Variants in FAM72C observed in about 807,000 individuals in gnomAD.
FAM72C encodes protein FAM72C.
A neutral mutation model predicts 5.2 loss-of-function variants in FAM72C; 1 was observed. The ratio of observed to expected loss-of-function variants is 0.19; its 90% CI spans 0.07 to 0.91. The LOEUF (loss-of-function observed/expected upper bound fraction) is 0.91. FAM72C is among the 40% of genes least tolerant of loss of function. The probability of loss-of-function intolerance (pLI) is 0.66; values close to 1 mark genes in which losing one functional copy is unlikely to be tolerated. For synonymous variants in FAM72C, 1 was observed against 21.8 expected, an observed-to-expected ratio of 0.05 and a Z score of 2.66; for missense variants, 4 against 66.0, an observed-to-expected ratio of 0.06 and a Z score of 3.25.
At chr1:143,965,288 C>G (rs1371232066) in intron 2 of FAM72C, among the ~76,000 whole-genome samples, 7 of 97,762 alleles carry the variant, frequency 7.2e-5, no homozygotes, top group African/African-American at 2.8e-4. Flanking sequence ...CTCCGCCTCC[C>G]AGGTTCAAGT....
At chr1:143,960,721 C>CAA (rs587594127) in intron 3 of FAM72C, among the ~76,000 whole-genome samples, 627 of 51,004 alleles carry the variant, frequency 0.012, 12 homozygotes, top group African/African-American at 0.036. Flanking sequence ...AACTCTGTCT[C>CAA]AAAAAAAAAA....
At chr1:143,962,279 G>T (rs1443928936) in intron 3 of FAM72C, among the ~76,000 whole-genome samples, 1 of 143,478 alleles carries the variant, frequency 7.0e-6, no homozygotes, top group African/African-American at 2.6e-5. Context: ...CTCCCAAACT[G>T]CTGGGATTAC....
rs1300583994 is a variant in FAM72C at position 143,967,489 on chromosome 1, A to G, written c.230+1435T>C. 7.0e-5 allele frequency among the ~76,000 whole-genome samples: 10 copies of G among 143,480 alleles called. 2 individuals carry two copies. Among genetic ancestry groups the G allele is most frequent in the East Asian group, 4.1e-4 (2 of 4,902 alleles). 94.1% of individuals were successfully genotyped at this position (143,480 alleles called of 152,430 possible). A position where few individuals can be genotyped will look rare whatever the true frequency, so the allele number is the denominator to read the frequency against. On this transcript the variant is annotated intron_variant, in intron 2 of 3. Transcript: ENST00000584486. ...CAAAACTCCGTCTTAAAAAAAAAAA[A>G]AAAAGAAAAGAAAGAAGAAAATAAT...
chr1:143,965,848 T>A (rs1661758465), intron 2 of FAM72C, among the ~76,000 whole-genome samples: 1 of 116,254 alleles, frequency 8.6e-6, no homozygotes, highest in African/African-American at 3.1e-5. Context: ...GTTGCAAAAG[T>A]TTTTACAGTT....
rs1287799982 is a variant in FAM72C, at chr1:143,966,722, T to C, written c.231-1743A>G. Among the ~76,000 whole-genome samples, 46 of 145,402 alleles carry C rather than the reference T, an allele frequency of 3.2e-4. 1 individual carries two copies. Among genetic ancestry groups the C allele is most frequent in the Non-Finnish European group, 6.8e-4 (45 of 65,720 alleles). Reference sequence around the variant, plus strand: ...ATGATTAAAATTAACTTTCCTGTTTTGGTTTTCTTTTGAAAATGTTGTTCT... The same window carrying C: ...ATGATTAAAATTAACTTTCCTGTTTCGGTTTTCTTTTGAAAATGTTGTTCT... On this transcript the variant is annotated intron_variant, in intron 2 of 3. Coordinates refer to ENST00000584486, the MANE Select transcript of FAM72C (RefSeq NM_001287385.2).
In FAM72C at chr1:143,971,100, G is replaced by A; in HGVS notation, c.42C>T (p.Ser14=). The A allele has an allele frequency of 1.6e-6, 1 of 613,966 alleles. No individual in the cohort carries two copies. Among genetic ancestry groups the A allele is most frequent in the East Asian group, 3.2e-5 (1 of 31,044 alleles). The allele number at this position is 613,966 out of a possible 1,614,324, so 38.0% of individuals were successfully genotyped here. A position where few individuals can be genotyped will look rare whatever the true frequency, so the allele number is the denominator to read the frequency against. The change falls in exon 1 of 4, where the codon TCC becomes TCT. Residue 14 remains serine, a synonymous_variant. Transcript: ENST00000584486. ...NICSFKDRCV[S]ILCCKFCKQV... is the part of the protein sequence containing the mutation. ...GTTTACAGAATTTGCAACACAGGAT[G>A]GACACGCACCTGTCCTTGAAACTAC...
rs1235507352 is a variant in FAM72C, at chr1:143,966,959, C to T, written c.230+1965G>A. 2.1e-5 allele frequency among the ~76,000 whole-genome samples: 3 copies of T among 143,966 alleles called. 1 individual carries two copies. The highest frequency in any genetic ancestry group is 4.6e-5 in the Non-Finnish European group (3 of 65,310). 94.4% of individuals were successfully genotyped at this position (143,966 alleles called of 152,430 possible). The stretch of plus-strand genomic sequence containing the variant: ...GAGAGAATCACTTGAACCCAGAAGA[C>T]GGAGGTTGCAGTGAGCCAAGATCAT... On this transcript the variant is annotated intron_variant, in intron 2 of 3. Transcript: ENST00000584486.
chr1:143,965,907 T>G lies in FAM72C; in HGVS notation c.231-928A>C, dbSNP rs1661760101. The stretch of plus-strand genomic sequence containing the variant: ...AAGTACCTCAGTCTTTCACAATTTT[T>G]TTTTTTTTTTTTTAACTAGCTAGTC... On this transcript the variant is annotated intron_variant, in intron 2 of 3. Transcript: ENST00000584486. Among the ~76,000 whole-genome samples the G allele has an allele frequency of 2.2e-5, 3 of 133,866 alleles. 1 individual carries two copies. Among genetic ancestry groups the G allele is most frequent in the South Asian group, 5.1e-4 (2 of 3,902 alleles). The allele number at this position is 133,866 out of a possible 152,430, so 87.8% of individuals were successfully genotyped here.
chr1:143,963,481 C>G, intron 3 of FAM72C, among the ~76,000 whole-genome samples: 1 of 142,784 alleles, frequency 7.0e-6, no homozygotes, highest in East Asian at 2.1e-4. Flanking sequence ...GAAATGAAAA[C>G]AAAGGATTTA....
chr1:143,972,850 AGGAGAGGGCGC>A (rs1178956161), upstream of FAM72C, among the ~76,000 whole-genome samples: 1 of 86,866 alleles, frequency 1.2e-5, no homozygotes, highest in Non-Finnish European at 2.5e-5. Flanking sequence ...TGGGGCGGGA[AGGAGAGGGCGC>A]GGATGCTGCT....
intron 2 of FAM72C, among the ~76,000 whole-genome samples, chr1:143,967,490 A>G (rs1233146811): frequency 4.9e-5 from 7 of 143,320 alleles, no homozygotes; most frequent in African/African-American, 1.3e-4. Flanking sequence ...AAAAAAAAAA[A>G]AAAGAAAAGA....
chr1:143,955,323 A>G lies in FAM72C; in HGVS notation c.*1064T>C, dbSNP rs1464238650. ...AAGTACCATTTATTTATATTTTTAC[A>G]TACAATATGTGGGCATAACAAAAAA... On this transcript the variant is annotated 3_prime_UTR_variant, in exon 4 of 4. Coordinates refer to ENST00000584486, the MANE Select transcript of FAM72C (RefSeq NM_001287385.2). The G allele has an allele frequency of 6.9e-6, 1 of 144,100 alleles. No individual in the cohort carries two copies. The highest frequency in any genetic ancestry group is 2.6e-5 in the African/African-American group (1 of 38,390). 8.9% of individuals were successfully genotyped at this position (144,100 alleles called of 1,614,324 possible). A position where few individuals can be genotyped will look rare whatever the true frequency, so the allele number is the denominator to read the frequency against.
chr1:143,967,873 CAGA>C (rs1368390724), intron 2 of FAM72C, among the ~76,000 whole-genome samples: 2 of 52,464 alleles, frequency 3.8e-5, no homozygotes, highest in Admixed American at 2.0e-4. Context: ...AAGGTAAACA[CAGA>C]AGATTATTAA....
At chr1:143,966,020 T>C (rs1661763512) in intron 2 of FAM72C, among the ~76,000 whole-genome samples, 1 of 97,386 alleles carries the variant, frequency 1.0e-5, no homozygotes, top group African/African-American at 3.3e-5. Context: ...CCTTGAGTTG[T>C]AAAAATTCTT....
intron 2 of FAM72C, among the ~76,000 whole-genome samples, chr1:143,967,535 A>C (rs1190283153): frequency 1.4e-5 from 2 of 138,886 alleles, no homozygotes; most frequent in Non-Finnish European, 3.2e-5. Flanking sequence ...CAGTGACTTC[A>C]TCTAGTTTTT....
At position 143,967,303 on chromosome 1, in the gene FAM72C, C is replaced by T. The variant is rs1249879430; in HGVS notation, c.230+1621G>A. ...GAGCAGCCTGGCCAACATGGTGAAACCCTGTCTCTACTAAAATATGAAAAA... is the reference window on the plus strand; with the variant it reads ...GAGCAGCCTGGCCAACATGGTGAAATCCTGTCTCTACTAAAATATGAAAAA... On this transcript the variant is annotated intron_variant, in intron 2 of 3. Transcript: ENST00000584486. Among the ~76,000 whole-genome samples the T allele has an allele frequency of 1.0e-4, 15 of 144,910 alleles. 2 individuals are homozygous for T. In the East Asian group the frequency reaches 1.2e-3, roughly 12 times the overall value.
At chr1:143,965,647 C>T (rs1300770449) in intron 2 of FAM72C, among the ~76,000 whole-genome samples, 12 of 78,528 alleles carry the variant, frequency 1.5e-4, no homozygotes, top group Non-Finnish European at 2.6e-4. Flanking sequence ...TTTTGCTATC[C>T]CAGGACTGTG....
At chr1:143,967,320 T>C (rs1411575042) in intron 2 of FAM72C, among the ~76,000 whole-genome samples, 2 of 141,658 alleles carry the variant, frequency 1.4e-5, no homozygotes, top group Non-Finnish European at 3.1e-5. Flanking sequence ...TCTACTAAAA[T>C]ATGAAAAATT....
rs1167765761 is a variant in FAM72C at position 143,960,830 on chromosome 1, TA to T, written c.355+4024del. On this transcript the variant is annotated intron_variant, in intron 3 of 3. Coordinates refer to ENST00000584486, the MANE Select transcript of FAM72C (RefSeq NM_001287385.2). ...TTGGTAGTGTACTTTCTTACTAAAATATTTTTTTTTTTTTTTTTTTTGAGAC... is the reference window on the plus strand; with the variant it reads ...TTGGTAGTGTACTTTCTTACTAAAATTTTTTTTTTTTTTTTTTTTTGAGAC... Among the ~76,000 whole-genome samples the T allele has an allele frequency of 1.4e-4, 19 of 136,810 alleles. 1 individual carries two copies. Among genetic ancestry groups the T allele is most frequent in the Middle Eastern group, 7.3e-3 (2 of 274 alleles). 89.8% of individuals were successfully genotyped at this position (136,810 alleles called of 152,430 possible). A position where few individuals can be genotyped will look rare whatever the true frequency, so the allele number is the denominator to read the frequency against.
Sources: gnomAD v4.1 joint callset for allele counts (sites outside exome capture counted in the v4.1 genomes callset) on GRCh38, gnomAD v4.1.1 for gene constraint, MANE v1.5 for transcripts, NCBI Gene and HGNC (gene_info 2026-07-23, HGNC 2026-07-21) for gene names.